CHM: variants seen among roughly 807,000 people sequenced by gnomAD.
The protein encoded by CHM is CHM Rab escort protein.
A neutral mutation model predicts 49.0 loss-of-function variants in CHM; 10 were observed. The ratio of observed to expected loss-of-function variants is 0.20; its 90% CI spans 0.13 to 0.35. CHM has a LOEUF of 0.35. Among genes scored for constraint, CHM ranks in the 10% least tolerant of loss-of-function variants. CHM has a pLI of 1.00. For missense variants in CHM, 455 were observed against 478.4 expected (o/e 0.95, Z 0.46); for synonymous variants, 184 against 167.5 (o/e 1.10, Z -0.76).
chrX:85,878,805 T>A (rs933531417), intron 13 of CHM, among the ~76,000 whole-genome samples, 160 bp downstream of exon 13: 2 of 111,460 alleles, frequency 1.8e-5, no homozygotes, highest in Non-Finnish European at 3.8e-5. Context: ...TTCCCACATG[T>A]TTAGGCAGAC....
At chrX:85,902,937 T>TA (rs1185315247) in intron 9 of CHM, among the ~76,000 whole-genome samples, 1 of 111,733 alleles carries the variant, frequency 8.9e-6, no homozygotes, top group Non-Finnish European at 1.9e-5. Flanking sequence ...GATAGGGGCT[T>TA]AGGTTATACA....
chrX:85,886,970 C>T (rs968439610), intron 12 of CHM, among the ~76,000 whole-genome samples: 21 of 105,101 alleles, frequency 2.0e-4, no homozygotes, highest in African/African-American at 7.3e-4. Flanking sequence ...AAAAAGAATG[C>T]ATACTAGATT....
intron 4 of CHM, chrX:85,971,010 A>G: frequency 1.5e-6 from 1 of 659,570 alleles, no homozygotes; most frequent in Non-Finnish European, 1.8e-6. Context: ...TTTAAGTTGA[A>G]TAATACTTCA....
chrX:85,997,150 G>A (rs142610149), intron 2 of CHM, among the ~76,000 whole-genome samples: 1,119 of 111,625 alleles, frequency 0.01, 18 homozygotes, highest in African/African-American at 0.035. Context: ...TATCCACAGT[G>A]AGAAGTCAAT....
At chrX:86,018,605 A>T (rs948395042) in intron 2 of CHM, among the ~76,000 whole-genome samples, 5 of 112,597 alleles carry the variant, frequency 4.4e-5, no homozygotes, top group Non-Finnish European at 9.4e-5. Flanking sequence ...TAGCAATTTT[A>T]TCTGTAATAA....
Position 85,980,569 on chromosome X carries a change from T to C in CHM, c.189+1168A>G, listed in dbSNP as rs774742233. Among the ~76,000 whole-genome samples, 90 of 112,312 alleles carry C rather than the reference T, an allele frequency of 8.0e-4. 1 individual carries two copies. The highest frequency in any genetic ancestry group is 4.6e-3 in the Middle Eastern group (1 of 216). ...GCAATGGTGCTTGGCACATGATAAATGCTTAACAAGTCTTAGCTAACTGAA... is the reference window on the plus strand; with the variant it reads ...GCAATGGTGCTTGGCACATGATAAACGCTTAACAAGTCTTAGCTAACTGAA... On this transcript the variant is annotated intron_variant, in intron 3 of 14. Coordinates refer to ENST00000357749, the MANE Select transcript of CHM (RefSeq NM_000390.4).
chrX:85,880,156 G>A (rs1218758357), intron 12 of CHM, among the ~76,000 whole-genome samples: 3 of 110,757 alleles, frequency 2.7e-5, no homozygotes, highest in Middle Eastern at 4.7e-3. Flanking sequence ...GTATATTTTC[G>A]GATGGTTCCT....
intron 9 of CHM, among the ~76,000 whole-genome samples, chrX:85,909,987 C>G (rs1926832556): frequency 9.0e-6 from 1 of 111,445 alleles, no homozygotes; most frequent in Non-Finnish European, 1.9e-5. Context: ...ACATCCTGGG[C>G]CTTTAGGGAT....
chrX:85,932,627 C>A (rs759478591), intron 8 of CHM, among the ~76,000 whole-genome samples: 1 of 112,204 alleles, frequency 8.9e-6, no homozygotes, highest in Admixed American at 9.4e-5. Context: ...CCTTAGTTTG[C>A]AGACCTTAAA....
intron 2 of CHM, among the ~76,000 whole-genome samples, chrX:86,024,982 T>C (rs1211926581): frequency 9.0e-6 from 1 of 110,998 alleles, no homozygotes; most frequent in East Asian, 2.8e-4. Flanking sequence ...TAGATGAAGA[T>C]ATCAGATGAT....
At chrX:86,000,222 A>T (rs1328529230) in intron 2 of CHM, among the ~76,000 whole-genome samples, 1 of 106,264 alleles carries the variant, frequency 9.4e-6, no homozygotes, top group Non-Finnish European at 1.9e-5. Flanking sequence ...ACATTTCTTG[A>T]GTTCAGGTTA....
intron 2 of CHM, among the ~76,000 whole-genome samples, chrX:85,989,393 T>C (rs1184084792): frequency 9.0e-6 from 1 of 111,611 alleles, no homozygotes; most frequent in East Asian, 2.8e-4. Context: ...AACTATTAAA[T>C]TGTTGGAAGA....
At chrX:85,872,455 G>A (rs2148119713) in intron 14 of CHM, among the ~76,000 whole-genome samples, 1 of 111,768 alleles carries the variant, frequency 8.9e-6, no homozygotes, top group Non-Finnish European at 1.9e-5. Flanking sequence ...CCCTGACCGG[G>A]ATGGCTATCA....
At chrX:86,037,986 G>C (rs1389041918) in intron 1 of CHM, among the ~76,000 whole-genome samples, 1 of 111,245 alleles carries the variant, frequency 9.0e-6, no homozygotes, top group Non-Finnish European at 1.9e-5. Context: ...CACTAAAAAA[G>C]ACACAAAATG....
intron 4 of CHM, chrX:85,969,317 T>C: frequency 1.3e-6 from 1 of 742,652 alleles, no homozygotes. Context: ...TTTATGCAAT[T>C]AACAAGCAAC....
chrX:85,900,787 G>A, intron 10 of CHM, 78 bp from the exon 11 acceptor site: 1 of 731,198 alleles, frequency 1.4e-6, no homozygotes, highest in Non-Finnish European at 2.1e-6. Flanking sequence ...ACCACCAGAA[G>A]GCACGTTTCA....
At chrX:85,987,040 G>A (rs1248320071) in intron 2 of CHM, among the ~76,000 whole-genome samples, 1 of 110,417 alleles carries the variant, frequency 9.1e-6, no homozygotes, top group African/African-American at 3.3e-5. Context: ...AGTATTAACA[G>A]CAGAATAAAC....
chrX:85,892,846 AT>A (rs1382855641), intron 12 of CHM, among the ~76,000 whole-genome samples: 1 of 111,764 alleles, frequency 8.9e-6, no homozygotes, highest in East Asian at 2.8e-4. Context: ...ACGCAAAACC[AT>A]ATTAGTTTTT....
intron 2 of CHM, among the ~76,000 whole-genome samples, chrX:86,019,087 T>A (rs1933430906): frequency 9.0e-6 from 1 of 110,715 alleles, no homozygotes; most frequent in African/African-American, 3.3e-5. Flanking sequence ...GGGGACAGAG[T>A]GGGTGGGGTG....
Sources: allele counts gnomAD v4.1 joint callset (sites outside exome capture counted in the v4.1 genomes callset), GRCh38; gene constraint gnomAD v4.1.1; transcripts MANE v1.5; gene names NCBI Gene and HGNC (gene_info 2026-07-23, HGNC 2026-07-21).